SLC44A1: variants seen among roughly 807,000 people sequenced by gnomAD.
SLC44A1 encodes choline transporter-like protein 1.
SLC44A1 carries 26 observed loss-of-function variants against 79.3 expected under a neutral mutation model. That is an observed-to-expected ratio of 0.33 (90% CI 0.24 to 0.46). The LOEUF is 0.46. Among genes scored for constraint, SLC44A1 ranks in the 20% least tolerant of loss-of-function variants. SLC44A1 has a pLI of 1.00. For missense variants in SLC44A1, 688 were observed against 798.1 expected (o/e 0.86, Z 1.66); for synonymous variants, 263 against 286.2 (o/e 0.92, Z 0.82).
chr9:105,308,928 A>G (rs941326910), intron 2 of SLC44A1, among the ~76,000 whole-genome samples: 1 of 152,192 alleles, frequency 6.6e-6, no homozygotes, highest in Non-Finnish European at 1.5e-5. Flanking sequence ...TGGTCAGTGC[A>G]TGCTTGACTT....
intron 5 of SLC44A1, among the ~76,000 whole-genome samples, chr9:105,349,510 G>T (rs894344601): frequency 1.3e-5 from 2 of 152,060 alleles, no homozygotes; most frequent in Non-Finnish European, 2.9e-5. Context: ...AAAATTTAAA[G>T]CCTGTAGACA....
At chr9:105,408,681 G>A (rs922193203) in intron 15 of SLC44A1, among the ~76,000 whole-genome samples, 6 of 152,154 alleles carry the variant, frequency 3.9e-5, no homozygotes, top group African/African-American at 1.4e-4. Context: ...AAAGTGCTGG[G>A]ATTACAGGCG....
intron 1 of SLC44A1, among the ~76,000 whole-genome samples, chr9:105,277,759 A>G (rs1189033928): frequency 6.6e-6 from 1 of 152,198 alleles, no homozygotes; most frequent in African/African-American, 2.4e-5. Flanking sequence ...CATGTAACCA[A>G]GTAGTGCATG....
intron 1 of SLC44A1, among the ~76,000 whole-genome samples, chr9:105,296,358 G>A (rs1292288444): frequency 6.6e-6 from 1 of 152,146 alleles, no homozygotes; most frequent in African/African-American, 2.4e-5. Context: ...GCACAGACGT[G>A]ACCCACAGCA....
chr9:105,272,693 C>G (rs1204417835), intron 1 of SLC44A1, among the ~76,000 whole-genome samples: 3 of 152,054 alleles, frequency 2.0e-5, no homozygotes, highest in Non-Finnish European at 4.4e-5. Context: ...ATATTATTTT[C>G]TTTCCTCTAT....
Position 105,393,424 on chromosome 9 carries a change from GT to G in SLC44A1, c.*4370del. On this transcript the variant is annotated 3_prime_UTR_variant, in exon 16 of 16. Coordinates refer to ENST00000374720, the MANE Select transcript of SLC44A1 (RefSeq NM_080546.5). ...AAACAAAAATTACACGTCGTGTACA[GT>G]TATGAATTTAGAATAGCACACTTTT... The G allele has an allele frequency of 1.0e-6, 1 of 985,144 alleles. No individual in the cohort carries two copies. Among genetic ancestry groups the G allele is most frequent in the Non-Finnish European group, 1.2e-6 (1 of 829,690 alleles). The allele number at this position is 985,144 out of a possible 1,614,324, so 61.0% of individuals were successfully genotyped here.
At chr9:105,402,017 C>G (rs184522741), downstream of SLC44A1, among the ~76,000 whole-genome samples, 18 of 152,278 alleles carry the variant, frequency 1.2e-4, no homozygotes, top group East Asian at 3.3e-3. Context: ...GAGGGTGATT[C>G]TACCCAGAAT....
chr9:105,436,762 G>A (rs558104127), intron 15 of SLC44A1, among the ~76,000 whole-genome samples: 18 of 152,220 alleles, frequency 1.2e-4, no homozygotes, highest in Middle Eastern at 3.4e-3. Context: ...ATCTGAGGCC[G>A]GGGGATCAGC....
rs1827826881 is a variant in SLC44A1 at position 105,362,970 on chromosome 9, G to A, written c.1050G>A (p.Val350=). ...WTFFALVLFW[V]YWIMTLLFLG... ...TCTTTGCTCTTGTCTTGTTTTGGGTGTACTGGATCATGACACTTCTTTTTC... is the reference window on the plus strand; with the variant it reads ...TCTTTGCTCTTGTCTTGTTTTGGGTATACTGGATCATGACACTTCTTTTTC... The change falls in exon 9 of 16, where the codon GTG becomes GTA. Residue 350 remains valine, a synonymous_variant. Transcript: ENST00000374720. 2.5e-6 allele frequency: 4 copies of A among 1,612,266 alleles called. No individual in the cohort carries two copies. The highest frequency in any genetic ancestry group is 2.2e-5 in the East Asian group (1 of 44,782).
chr9:105,351,345 C>T (rs906038449), intron 5 of SLC44A1, among the ~76,000 whole-genome samples: 21 of 151,980 alleles, frequency 1.4e-4, no homozygotes, highest in African/African-American at 4.8e-4. Context: ...ACCAGCCTGG[C>T]CAACATGGTG....
At chr9:105,292,094 G>A (rs930967880) in intron 1 of SLC44A1, among the ~76,000 whole-genome samples, 2 of 152,128 alleles carry the variant, frequency 1.3e-5, no homozygotes, top group African/African-American at 4.8e-5. Context: ...TCTTCCCTGG[G>A]ACCAGCCTCC....
intron 1 of SLC44A1, among the ~76,000 whole-genome samples, chr9:105,277,470 T>G (rs73510267): frequency 1.9e-4 from 29 of 152,248 alleles, no homozygotes; most frequent in African/African-American, 6.5e-4. Flanking sequence ...ATCTCAAATC[T>G]CAAGCAGGCC....
At chr9:105,325,142 A>G (rs1451020409) in intron 3 of SLC44A1, among the ~76,000 whole-genome samples, 1 of 152,256 alleles carries the variant, frequency 6.6e-6, no homozygotes, top group Non-Finnish European at 1.5e-5. Flanking sequence ...AAAATGTGGT[A>G]TATCCACACA....
chr9:105,390,242 G>T lies in SLC44A1; in HGVS notation c.*1186G>T, dbSNP rs940639799. The T allele has an allele frequency of 9.3e-7, 1 of 1,079,788 alleles. No homozygotes were observed. The highest frequency in any genetic ancestry group is 1.6e-5 in the African/African-American group (1 of 60,998). 66.9% of individuals were successfully genotyped at this position (1,079,788 alleles called of 1,614,324 possible). ...AGATATGAATGGCTAATACTCCATT[G>T]TTCTGCTTGTTGTAATGGTGAATGC... On this transcript the variant is annotated 3_prime_UTR_variant, in exon 16 of 16. Transcript: ENST00000374720.
intron 1 of SLC44A1, among the ~76,000 whole-genome samples, chr9:105,278,361 G>A (rs1044035904): frequency 9.9e-5 from 15 of 152,130 alleles, no homozygotes; most frequent in African/African-American, 3.4e-4. Context: ...CCATTCTCCT[G>A]CCTCAGCCTC....
intron 1 of SLC44A1, among the ~76,000 whole-genome samples, chr9:105,289,154 G>A (rs1830544646): frequency 6.6e-6 from 1 of 152,194 alleles, no homozygotes; most frequent in Non-Finnish European, 1.5e-5. Context: ...CACTCCAGTG[G>A]TAAGAGACCT....
chr9:105,386,197 GA>G (rs1359885676), intron 15 of SLC44A1: 4 of 983,714 alleles, frequency 4.1e-6, no homozygotes, highest in Admixed American at 6.2e-5. Flanking sequence ...ACTTTTATTT[GA>G]AAAAAGCAGC....
intron 15 of SLC44A1, among the ~76,000 whole-genome samples, chr9:105,420,068 G>A (rs878933390): frequency 6.6e-6 from 1 of 151,988 alleles, no homozygotes; most frequent in Non-Finnish European, 1.5e-5. Context: ...GCAGTTCTTC[G>A]AGCATTTGAT....
At chr9:105,317,069 AT>A (rs1175465448) in intron 3 of SLC44A1, among the ~76,000 whole-genome samples, 1 of 152,174 alleles carries the variant, frequency 6.6e-6, no homozygotes, top group Non-Finnish European at 1.5e-5. Context: ...TATTGACAGA[AT>A]TCAGTTTCAC....
Sources: allele counts gnomAD v4.1 joint callset (sites outside exome capture counted in the v4.1 genomes callset), GRCh38; gene constraint gnomAD v4.1.1; transcripts MANE v1.5; gene names NCBI Gene and HGNC (gene_info 2026-07-23, HGNC 2026-07-21).